The following METTL25 variants were observed in gnomAD, a reference collection of about 807,000 sequenced individuals.
The protein encoded by METTL25 is probable methyltransferase-like protein 25.
A neutral mutation model predicts 71.6 loss-of-function variants in METTL25; 64 were observed. The observed-to-expected ratio is 0.89, with a 90% CI of 0.73 to 1.10. The LOEUF is 1.10. Ranked by LOEUF, METTL25 falls within the 50% of genes least tolerant of loss-of-function variation. METTL25 has a pLI of 0.00. For missense variants in METTL25, 807 were observed against 707.0 expected (o/e 1.14, Z -1.60); for synonymous variants, 287 against 250.3 (o/e 1.15, Z -1.38).
intron 9 of METTL25, chr12:82,474,609 G>A (rs546130679): frequency 6.6e-6 from 1 of 152,020 alleles, no homozygotes; most frequent in Non-Finnish European, 1.5e-5. Context: ...TTTTTAGTTT[G>A]ATTTGGTTTG....
At chr12:82,441,524 T>G (rs1890325710) in intron 8 of METTL25, among the ~76,000 whole-genome samples, 1 of 151,728 alleles carries the variant, frequency 6.6e-6, no homozygotes, top group Non-Finnish European at 1.5e-5. Context: ...TCCCCGAACA[T>G]TATGTATAAA....
chr12:82,478,324 ATT>A (rs1002901040), intron 11 of METTL25, among the ~76,000 whole-genome samples: 1 of 151,904 alleles, frequency 6.6e-6, no homozygotes, highest in Non-Finnish European at 1.5e-5. Flanking sequence ...TAGAAATGTT[ATT>A]TTTAATATTT....
At chr12:82,369,812 C>G (rs1883011081) in intron 1 of METTL25, among the ~76,000 whole-genome samples, 3 of 152,000 alleles carry the variant, frequency 2.0e-5, no homozygotes. Context: ...AATTCTTTAG[C>G]TAGACACAGA....
In METTL25 at chr12:82,430,950, G is replaced by A. The variant is rs76974407; in HGVS notation, c.1337G>A (p.Trp446Ter). 1 of 1,600,478 alleles carries A rather than the reference G, an allele frequency of 6.2e-7. No homozygotes were observed. Among genetic ancestry groups the A allele is most frequent in the South Asian group, 1.1e-5 (1 of 89,616 alleles). ...PMCHYLKEER[W>*]CCGRNARMSA... ...TGCCACTATTTAAAGGAAGAGAGAT[G>A]GTGCTGTGGTCGTAATGCCAGAATG... is the stretch of plus-strand genomic sequence containing the variant. The change falls in exon 6 of 12, where the codon TGG becomes TAG. Residue 446 changes from tryptophan (W) to a stop codon, truncating the protein, a stop_gained. Coordinates refer to ENST00000248306, the MANE Select transcript of METTL25 (RefSeq NM_032230.3). LOFTEE classifies it high-confidence loss of function.
intron 4 of METTL25, among the ~76,000 whole-genome samples, chr12:82,401,395 T>C (rs1401220262): frequency 6.6e-6 from 1 of 152,086 alleles, no homozygotes; most frequent in Non-Finnish European, 1.5e-5. Flanking sequence ...CTGAATTTTA[T>C]TATATGGTAG....
intron 5 of METTL25, among the ~76,000 whole-genome samples, chr12:82,410,515 C>A: frequency 6.6e-6 from 1 of 152,038 alleles, no homozygotes; most frequent in East Asian, 1.9e-4. Flanking sequence ...CTTCCGTTTC[C>A]AGCAGTGTGA....
chr12:82,413,883 T>C (rs1038531691), intron 5 of METTL25, among the ~76,000 whole-genome samples: 38 of 152,008 alleles, frequency 2.5e-4, no homozygotes, highest in African/African-American at 9.1e-4. Flanking sequence ...ATTATACTTT[T>C]ACATTTATAC....
chr12:82,447,823 A>G (rs1359593242), intron 8 of METTL25, among the ~76,000 whole-genome samples: 2 of 152,112 alleles, frequency 1.3e-5, no homozygotes, highest in Non-Finnish European at 2.9e-5. Flanking sequence ...CAGTATCACT[A>G]AAATATTGAT....
intron 8 of METTL25, among the ~76,000 whole-genome samples, chr12:82,446,326 T>A (rs1324879493): frequency 6.6e-6 from 1 of 152,196 alleles, no homozygotes; most frequent in African/African-American, 2.4e-5. Context: ...CAACTGGACC[T>A]AACTGACATT....
chr12:82,457,517 A>G (rs1891574819), intron 9 of METTL25, among the ~76,000 whole-genome samples: 2 of 151,998 alleles, frequency 1.3e-5, no homozygotes, highest in Non-Finnish European at 2.9e-5. Context: ...GCTAAAGGGT[A>G]TTATTATTTA....
At chr12:82,410,565 A>G (rs971990264) in intron 5 of METTL25, among the ~76,000 whole-genome samples, 1 of 152,112 alleles carries the variant, frequency 6.6e-6, no homozygotes, top group South Asian at 2.1e-4. Context: ...GCTACAGTTC[A>G]GCTAGATCCT....
At chr12:82,438,211 AG>A (rs953238710) in intron 7 of METTL25, among the ~76,000 whole-genome samples, 1 of 151,734 alleles carries the variant, frequency 6.6e-6, no homozygotes, top group African/African-American at 2.4e-5. Flanking sequence ...TCAACTCTGT[AG>A]TAACCAGTAC....
chr12:82,396,887 T>C (rs796353714), intron 3 of METTL25, among the ~76,000 whole-genome samples: 2 of 152,126 alleles, frequency 1.3e-5, no homozygotes, highest in South Asian at 2.1e-4. Context: ...TAGCACATAG[T>C]ATTTGAGAGC....
intron 1 of METTL25, among the ~76,000 whole-genome samples, chr12:82,367,444 G>A (rs886937836): frequency 3.9e-5 from 6 of 152,080 alleles, no homozygotes; most frequent in African/African-American, 1.4e-4. Flanking sequence ...TCACCTCAGT[G>A]GTTTAAGCAT....
intron 1 of METTL25, among the ~76,000 whole-genome samples, chr12:82,371,745 A>T (rs1192767115): frequency 1.3e-5 from 2 of 152,150 alleles, no homozygotes; most frequent in Non-Finnish European, 2.9e-5. Flanking sequence ...TTGACCCTCA[A>T]GTGAGCCGGG....
chr12:82,382,001 C>G (rs1357627730), intron 1 of METTL25, among the ~76,000 whole-genome samples: 1 of 152,056 alleles, frequency 6.6e-6, no homozygotes, highest in Non-Finnish European at 1.5e-5. Flanking sequence ...TGATGGGTGG[C>G]TTAGCATGTG....
In METTL25 at chr12:82,448,668, T is replaced by A. The variant is rs543516844; in HGVS notation, c.1479-8059T>A. On this transcript the variant is annotated intron_variant, in intron 8 of 11. Transcript: ENST00000248306. ...ATTTTGTTATAATCAAATAGGAAAG[T>A]GATCTTAAAAACTATCTCACAAAAT... Among the ~76,000 whole-genome samples the A allele has an allele frequency of 7.2e-4, 109 of 152,234 alleles. 1 individual carries two copies. In the South Asian group the frequency reaches 0.017, roughly 23 times the overall value.
intron 9 of METTL25, among the ~76,000 whole-genome samples, chr12:82,461,710 C>CAA (rs55899416): frequency 1.4e-3 from 213 of 151,300 alleles, no homozygotes; most frequent in Admixed American, 1.9e-3. Flanking sequence ...GAAATAAAGG[C>CAA]AAAAAAAAAT....
chr12:82,472,466 C>T (rs973743001), intron 9 of METTL25, among the ~76,000 whole-genome samples: 9 of 151,992 alleles, frequency 5.9e-5, no homozygotes, highest in South Asian at 2.1e-4. Flanking sequence ...GGCGTGGTGG[C>T]GGGTGCCTGT....
Sources: allele counts gnomAD v4.1 joint callset (sites outside exome capture counted in the v4.1 genomes callset), GRCh38; gene constraint gnomAD v4.1.1; transcripts MANE v1.5; gene names NCBI Gene and HGNC (gene_info 2026-07-23, HGNC 2026-07-21).